The following YTHDF2 variants were observed in gnomAD, a reference collection of about 807,000 sequenced individuals.
YTHDF2 encodes the protein YTH N6-methyladenosine RNA binding protein F2.
YTHDF2 carries 2 observed loss-of-function variants against 50.4 expected under a neutral mutation model. The ratio of observed to expected loss-of-function variants is 0.04; its 90% CI spans 0.02 to 0.12. YTHDF2 has a LOEUF of 0.12. Ranked by LOEUF, YTHDF2 falls within the 10% of genes least tolerant of loss-of-function variation. The probability of loss-of-function intolerance (pLI) is 1.00; values close to 1 mark genes in which losing one functional copy is unlikely to be tolerated. For missense variants in YTHDF2, 483 were observed against 722.6 expected (o/e 0.67, Z 3.80); for synonymous variants, 217 against 255.6 (o/e 0.85, Z 1.44).
chr1:28,760,271 T>TGTGTGTGTGTGTGTGTG, intron 4 of YTHDF2, among the ~76,000 whole-genome samples: 1 of 147,364 alleles, frequency 6.8e-6, no homozygotes, highest in South Asian at 2.2e-4. Context: ...ACATAGTAGG[T>TGTGTGTGTGTGTGTGTG]TGTGTGTGTG....
At chr1:28,753,739 C>A (rs1214847767) in intron 4 of YTHDF2, among the ~76,000 whole-genome samples, 1 of 148,518 alleles carries the variant, frequency 6.7e-6, no homozygotes, top group Non-Finnish European at 1.5e-5. Flanking sequence ...AAAAATCTCG[C>A]TTTGTCCCCC....
chr1:28,738,491 C>T (rs529310676), intron 3 of YTHDF2, among the ~76,000 whole-genome samples, 153 bp downstream of exon 3: 121 of 152,250 alleles, frequency 7.9e-4, no homozygotes, highest in African/African-American at 2.7e-3. Context: ...GACGCCCAGG[C>T]TGGGGTGTAG....
chr1:28,748,385 A>G (rs2087896877), intron 4 of YTHDF2, among the ~76,000 whole-genome samples: 1 of 152,120 alleles, frequency 6.6e-6, no homozygotes, highest in Non-Finnish European at 1.5e-5. Flanking sequence ...TTGTGTGTGT[A>G]CCTTTGTAGT....
chr1:28,766,718 T>C (rs558217100), intron 4 of YTHDF2, among the ~76,000 whole-genome samples: 1 of 152,296 alleles, frequency 6.6e-6, no homozygotes, highest in South Asian at 2.1e-4. Flanking sequence ...AGGTGTTTAC[T>C]TACCATTAAT....
intron 4 of YTHDF2, among the ~76,000 whole-genome samples, chr1:28,760,222 A>G (rs1269686508): frequency 6.6e-6 from 1 of 152,046 alleles, no homozygotes; most frequent in African/African-American, 2.4e-5. Context: ...TTCTAAAATA[A>G]TGATTAAAAG....
intron 4 of YTHDF2, among the ~76,000 whole-genome samples, chr1:28,766,435 C>G (rs1264369563): frequency 6.6e-6 from 1 of 152,104 alleles, no homozygotes; most frequent in East Asian, 1.9e-4. Context: ...TCTGTCTTCA[C>G]TGGTTTCAAG....
At chr1:28,736,928 A>C (rs1222364718), upstream of YTHDF2, 17 of 618,024 alleles carry the variant, frequency 2.8e-5, no homozygotes, top group Non-Finnish European at 4.4e-5. Context: ...ACGGGCATTG[A>C]GCTCTTGGGC....
At chr1:28,747,415 C>CA (rs1444424397) in intron 4 of YTHDF2, among the ~76,000 whole-genome samples, 1 of 148,888 alleles carries the variant, frequency 6.7e-6, no homozygotes, top group Non-Finnish European at 1.5e-5. Context: ...ACTAAAAATA[C>CA]AAAAATTAGC....
intron 3 of YTHDF2, among the ~76,000 whole-genome samples, chr1:28,742,112 C>T (rs12036921): frequency 0.38 from 55,764 of 148,284 alleles, 11,854 homozygotes; most frequent in East Asian, 0.77. Context: ...TGCAGTGGTG[C>T]GATCTAAGCT....
chr1:28,753,422 C>T (rs1346371418), intron 4 of YTHDF2, among the ~76,000 whole-genome samples: 1 of 135,930 alleles, frequency 7.4e-6, no homozygotes, highest in Non-Finnish European at 1.6e-5. Flanking sequence ...ATGAGGCACA[C>T]CTGTAGTCCT....
At chr1:28,750,733 T>TA (rs1020323545) in intron 4 of YTHDF2, among the ~76,000 whole-genome samples, 1 of 152,126 alleles carries the variant, frequency 6.6e-6, no homozygotes, top group African/African-American at 2.4e-5. Context: ...GGGTAGTTTT[T>TA]AAATACATTT....
chr1:28,738,068 C>T (rs1406845594), intron 2 of YTHDF2, among the ~76,000 whole-genome samples, 191 bp from the exon 3 acceptor site: 1 of 152,088 alleles, frequency 6.6e-6, no homozygotes, highest in Non-Finnish European at 1.5e-5. Flanking sequence ...GATCAACTTG[C>T]TCTGGGTGGA....
At chr1:28,738,473 C>T in intron 3 of YTHDF2, 135 bp downstream of exon 3, 1 of 807,594 alleles carries the variant, frequency 1.2e-6, no homozygotes, top group South Asian at 1.8e-5. Flanking sequence ...GAGACTGAGT[C>T]TCGCTCTGAC....
At chr1:28,744,026 G>T in intron 4 of YTHDF2, 40 bp downstream of exon 4, 4 of 1,503,168 alleles carry the variant, frequency 2.7e-6, no homozygotes, top group Non-Finnish European at 3.5e-6. Context: ...AGGGAAGGAG[G>T]AACCAGAGAG....
intron 3 of YTHDF2, among the ~76,000 whole-genome samples, chr1:28,741,540 C>T (rs1226989690): frequency 3.3e-5 from 5 of 152,200 alleles, no homozygotes; most frequent in Non-Finnish European, 7.3e-5. Context: ...AAGTCATCCA[C>T]CCCTCTGTCT....
At chr1:28,763,871 G>GTT (rs58507391) in intron 4 of YTHDF2, among the ~76,000 whole-genome samples, 13,031 of 142,412 alleles carry the variant, frequency 0.092, 781 homozygotes, top group Non-Finnish European at 0.13. Flanking sequence ...ACCAACTTTT[G>GTT]TTTTTTTTTT....
chr1:28,737,432 G>T, intron 1 of YTHDF2: 1 of 658,250 alleles, frequency 1.5e-6, no homozygotes, highest in Non-Finnish European at 2.5e-6. Context: ...AAAGCCCTGG[G>T]TTCCTCGCGT....
chr1:28,761,967 T>C (rs2088141674), intron 4 of YTHDF2, among the ~76,000 whole-genome samples: 1 of 152,224 alleles, frequency 6.6e-6, no homozygotes, highest in African/African-American at 2.4e-5. Flanking sequence ...CATATATATA[T>C]GACTTGAAGT....
intron 4 of YTHDF2, among the ~76,000 whole-genome samples, chr1:28,767,342 G>T (rs989659774): frequency 6.6e-6 from 1 of 152,000 alleles, no homozygotes; most frequent in Non-Finnish European, 1.5e-5. Context: ...TATTAAGTAT[G>T]CCAACTAACT....
Sources: allele counts gnomAD v4.1 joint callset (sites outside exome capture counted in the v4.1 genomes callset), GRCh38; gene constraint gnomAD v4.1.1; transcripts MANE v1.5; gene names NCBI Gene and HGNC (gene_info 2026-07-23, HGNC 2026-07-21).